LCOR: variants seen among roughly 807,000 people sequenced by gnomAD.
The protein encoded by LCOR is ligand-dependent corepressor.
In LCOR, 14 loss-of-function variants were observed where a neutral mutation model predicts 64.4. That is an observed-to-expected ratio of 0.22 (90% CI 0.14 to 0.34). LCOR has a LOEUF of 0.34. Ranked by LOEUF, LCOR falls within the 10% of genes least tolerant of loss-of-function variation. The probability of loss-of-function intolerance (pLI) is 1.00; values close to 1 mark genes in which losing one functional copy is unlikely to be tolerated. For synonymous variants in LCOR, 643 were observed against 642.5 expected, an observed-to-expected ratio of 1.00 and a Z score of -0.01; for missense variants, 1,686 against 1,765.3, an observed-to-expected ratio of 0.96 and a Z score of 0.80.
At chr10:96,975,249 G>A (rs1848028369) in intron 7 of LCOR, among the ~76,000 whole-genome samples, 1 of 152,188 alleles carries the variant, frequency 6.6e-6, no homozygotes, top group Non-Finnish European at 1.5e-5. Context: ...GGATAACTTT[G>A]AGGCACAGCC....
Position 96,980,865 on chromosome 10 carries a change from C to G in LCOR, c.405C>G (p.Val135=). 2 of 702,940 alleles carry G rather than the reference C, an allele frequency of 2.8e-6. No homozygotes were observed. Among genetic ancestry groups the G allele is most frequent in the South Asian group, 3.0e-5 (2 of 67,564 alleles). 43.5% of individuals were successfully genotyped at this position (702,940 alleles called of 1,614,324 possible). ...QSKSPLEKFM[V]KLCTHHQKQF... is the part of the protein sequence containing the mutation. ...AGTCCCCACTGGAGAAATTTATGGT[C>G]AAACTGTGTACTCATCATCAAAAGC... The change falls in exon 8 of 8, where the codon GTC becomes GTG. Residue 135 remains valine (V), a synonymous_variant. Transcript: ENST00000421806.
At chr10:96,961,882 T>C (rs1847887196) in intron 7 of LCOR, 2 of 151,708 alleles carry the variant, frequency 1.3e-5, no homozygotes, top group South Asian at 4.2e-4. Context: ...TTTTTTTTCA[T>C]CCAGGTGACG....
chr10:96,883,994 A>G (rs1303978246), intron 2 of LCOR, among the ~76,000 whole-genome samples: 1 of 152,326 alleles, frequency 6.6e-6, no homozygotes, highest in South Asian at 2.1e-4. Flanking sequence ...TATGGTTATT[A>G]CATATACCAT....
intron 2 of LCOR, among the ~76,000 whole-genome samples, chr10:96,864,758 T>C (rs989688789): frequency 1.3e-5 from 2 of 152,226 alleles, no homozygotes; most frequent in African/African-American, 4.8e-5. Context: ...TACTTACCAT[T>C]GTGTTACCAT....
chr10:96,910,701 A>C (rs1846815514), intron 4 of LCOR, among the ~76,000 whole-genome samples: 1 of 152,244 alleles, frequency 6.6e-6, no homozygotes, highest in Admixed American at 6.5e-5. Context: ...AATAGCCAAT[A>C]GGTGGCAGCA....
intron 6 of LCOR, 55 bp downstream of exon 6, chr10:96,949,350 A>AG (rs1365334317): frequency 1.3e-6 from 2 of 1,494,328 alleles, no homozygotes; most frequent in African/African-American, 1.4e-5. Context: ...TACTTTGGGG[A>AG]GAAAAAAAAA....
At chr10:96,884,789 C>T (rs1846315687) in intron 2 of LCOR, among the ~76,000 whole-genome samples, 1 of 152,184 alleles carries the variant, frequency 6.6e-6, no homozygotes, top group Non-Finnish European at 1.5e-5. Context: ...TAAGGCCCTT[C>T]TGCCCCTGCA....
At position 96,981,250 on chromosome 10, in the gene LCOR, G is replaced by A; in HGVS notation, c.790G>A (p.Asp264Asn). Reference protein sequence around the residue: ...KSNSINSSSVDSFTPGYLTAS... With the variant: ...KSNSINSSSVNSFTPGYLTAS... ...GAATTCTATTAATAGCAGTTCAGTG[G>A]ATAGTTTCACTCCGGGATACCTCAC... is the stretch of plus-strand genomic sequence containing the variant. Residue 264 changes from aspartate (D) to asparagine (N), a missense_variant, in exon 8 of 8, where the codon GAT (aspartate) becomes AAT (asparagine). Around this residue, in one of 3 missense-constraint regions of LCOR, gnomAD observed 313 missense variants for 247.2 expected, o/e 1.27. Transcript: ENST00000421806. The A allele has an allele frequency of 2.1e-6, 2 of 972,074 alleles. No homozygotes were observed. The highest frequency in any genetic ancestry group is 3.2e-6 in the Non-Finnish European group (2 of 620,682). The allele number at this position is 972,074 out of a possible 1,614,324, so 60.2% of individuals were successfully genotyped here. A position where few individuals can be genotyped will look rare whatever the true frequency, so the allele number is the denominator to read the frequency against.
intron 7 of LCOR, among the ~76,000 whole-genome samples, chr10:96,966,163 C>CTTT (rs57378535): frequency 5.0e-4 from 45 of 90,056 alleles, no homozygotes; most frequent in African/African-American, 1.6e-3. Flanking sequence ...AAAATGGAAA[C>CTTT]TTTTTTTTTT....
chr10:96,843,206 A>G (rs932834763), intron 2 of LCOR, among the ~76,000 whole-genome samples: 14 of 151,780 alleles, frequency 9.2e-5, no homozygotes, highest in African/African-American at 2.7e-4. Context: ...CTCACTGTAA[A>G]CTCAAACTCC....
intron 5 of LCOR, among the ~76,000 whole-genome samples, chr10:96,947,556 T>G (rs1450145476): frequency 6.6e-6 from 1 of 152,158 alleles, no homozygotes; most frequent in Admixed American, 6.5e-5. Flanking sequence ...ATAGCTAATC[T>G]TTAAAAGACT....
intron 2 of LCOR, among the ~76,000 whole-genome samples, chr10:96,835,712 C>T (rs188343121): frequency 6.6e-6 from 1 of 152,182 alleles, no homozygotes; most frequent in Admixed American, 6.5e-5. Context: ...ATTTAATTTA[C>T]AGCAGTTTGG....
At chr10:96,848,791 A>G (rs967786325) in intron 2 of LCOR, among the ~76,000 whole-genome samples, 11 of 152,114 alleles carry the variant, frequency 7.2e-5, no homozygotes, top group Non-Finnish European at 1.3e-4. Context: ...TTGTTCAAAA[A>G]CACAGGCTAG....
chr10:96,939,815 C>A (rs1173210846), intron 4 of LCOR, among the ~76,000 whole-genome samples: 1 of 152,094 alleles, frequency 6.6e-6, no homozygotes, highest in Non-Finnish European at 1.5e-5. Flanking sequence ...TACAAAAAAT[C>A]AGCCGGGCCT....
At chr10:96,850,662 C>G (rs992247178) in intron 2 of LCOR, among the ~76,000 whole-genome samples, 1 of 152,024 alleles carries the variant, frequency 6.6e-6, no homozygotes, top group African/African-American at 2.4e-5. Flanking sequence ...GTTGCCCAGG[C>G]TGTTCTCAAA....
At chr10:96,941,061 G>A (rs1203989414) in intron 4 of LCOR, among the ~76,000 whole-genome samples, 5 of 110,784 alleles carry the variant, frequency 4.5e-5, no homozygotes, top group Admixed American at 8.4e-5. Context: ...GCGGCTGGCC[G>A]ACCCCCCCCC....
At chr10:96,838,021 GTCTA>G (rs1273412863) in intron 2 of LCOR, among the ~76,000 whole-genome samples, 4 of 152,154 alleles carry the variant, frequency 2.6e-5, no homozygotes, top group Admixed American at 6.5e-5. Context: ...TTATTTTCTA[GTCTA>G]TCTGTGTTTA....
chr10:96,957,939 A>G (rs1008231595), intron 7 of LCOR: 2 of 986,788 alleles, frequency 2.0e-6, no homozygotes, highest in Non-Finnish European at 2.4e-6. Flanking sequence ...TGATTCTACA[A>G]TATTTTGTCA....
chr10:96,971,741 T>C (rs188157033), intron 7 of LCOR, among the ~76,000 whole-genome samples: 3 of 152,252 alleles, frequency 2.0e-5, no homozygotes, highest in Non-Finnish European at 4.4e-5. Context: ...GGCAGAGATA[T>C]ACAATATAGC....
Sources: allele counts gnomAD v4.1 joint callset (sites outside exome capture counted in the v4.1 genomes callset), GRCh38; gene constraint gnomAD v4.1.1; regional missense constraint gnomAD v4.1.1; transcripts MANE v1.5; gene names NCBI Gene and HGNC (gene_info 2026-07-23, HGNC 2026-07-21).